Variants in LSM12 observed in about 807,000 individuals in gnomAD.
LSM12 encodes the protein protein LSM12.
For synonymous variants in LSM12, 74 were observed against 87.3 expected, an observed-to-expected ratio of 0.85 and a Z score of 0.85; for missense variants, 108 against 238.9, an observed-to-expected ratio of 0.45 and a Z score of 3.61.
chr17:44,048,871 T>C (rs753696902), intron 2 of LSM12, among the ~76,000 whole-genome samples: 1 of 152,088 alleles, frequency 6.6e-6, no homozygotes, highest in Non-Finnish European at 1.5e-5. Flanking sequence ...AGTATATGCA[T>C]TCGATATCAA....
intron 2 of LSM12, among the ~76,000 whole-genome samples, chr17:44,048,339 G>A (rs186661926): frequency 2.4e-4 from 37 of 151,696 alleles, no homozygotes; most frequent in Admixed American, 8.6e-4. Flanking sequence ...AAAATTAGCC[G>A]GGCACAGTAA....
rs1567955904 is a variant in LSM12, at chr17:44,041,331, AC to A, written c.259-1076del. Among the ~76,000 whole-genome samples the A allele has an allele frequency of 2.6e-3, 337 of 131,258 alleles. 1 individual carries two copies. Among genetic ancestry groups the A allele is most frequent in the Non-Finnish European group, 4.0e-3 (251 of 63,538 alleles). 86.1% of individuals were successfully genotyped at this position (131,258 alleles called of 152,430 possible). On this transcript the variant is annotated intron_variant, in intron 2 of 4. Transcript: ENST00000293406. ...CACACACACACACACACACACACACACAAACACACACACACACACAGAATTT... is the reference window on the plus strand; with the variant it reads ...CACACACACACACACACACACACACAAAACACACACACACACACAGAATTT...
chr17:44,046,709 CA>C (rs542504532), intron 2 of LSM12, among the ~76,000 whole-genome samples: 187 of 42,698 alleles, frequency 4.4e-3, no homozygotes, highest in African/African-American at 9.5e-3. Context: ...GACTCCGTCT[CA>C]AAAAAAAAAA....
At chr17:44,043,415 G>A (rs2049520728) in intron 2 of LSM12, among the ~76,000 whole-genome samples, 1 of 152,192 alleles carries the variant, frequency 6.6e-6, no homozygotes, top group Non-Finnish European at 1.5e-5. Flanking sequence ...AGCATTCCAA[G>A]CAGTGGCAAT....
chr17:44,065,216 C>T (rs199935390), intron 1 of LSM12, among the ~76,000 whole-genome samples: 1 of 151,954 alleles, frequency 6.6e-6, no homozygotes, highest in East Asian at 1.9e-4. Context: ...CAGCGGATCA[C>T]GAGGTCAGAA....
At chr17:44,045,861 C>A (rs2144082576) in intron 2 of LSM12, among the ~76,000 whole-genome samples, 1 of 152,214 alleles carries the variant, frequency 6.6e-6, no homozygotes, top group South Asian at 2.1e-4. Context: ...GCATGAGCCA[C>A]CCTACCCGGC....
chr17:44,041,282 A>ACACACACAC (rs779374869), intron 2 of LSM12, among the ~76,000 whole-genome samples: 1 of 130,330 alleles, frequency 7.7e-6, no homozygotes, highest in Non-Finnish European at 1.6e-5. Flanking sequence ...TTAAAAAAAA[A>ACACACACAC]AAAAACAAAC....
intron 2 of LSM12, among the ~76,000 whole-genome samples, chr17:44,045,623 T>C (rs951917263): frequency 2.0e-5 from 3 of 152,182 alleles, no homozygotes; most frequent in Non-Finnish European, 4.4e-5. Context: ...CAGGCTGGAA[T>C]GTAATGGCAC....
chr17:44,050,438 T>C (rs561739444), intron 2 of LSM12, among the ~76,000 whole-genome samples: 21 of 151,816 alleles, frequency 1.4e-4, no homozygotes, highest in Non-Finnish European at 2.7e-4. Context: ...TAGCAACAAA[T>C]AGGCTCTCAA....
At chr17:44,046,863 T>C (rs1320924912) in intron 2 of LSM12, among the ~76,000 whole-genome samples, 3 of 146,668 alleles carry the variant, frequency 2.0e-5, no homozygotes, top group African/African-American at 7.5e-5. Context: ...CCCGAGTAGC[T>C]GGGATTACAG....
chr17:44,049,181 T>A (rs531239354), intron 2 of LSM12, among the ~76,000 whole-genome samples: 15 of 152,240 alleles, frequency 9.9e-5, no homozygotes, highest in African/African-American at 3.4e-4. Flanking sequence ...ACAGAGACTC[T>A]GTCTTTAAAA....
chr17:44,038,223 A>T (rs2049440379), intron 3 of LSM12, among the ~76,000 whole-genome samples: 1 of 151,984 alleles, frequency 6.6e-6, no homozygotes, highest in African/African-American at 2.4e-5. Context: ...TAGTGGTGGC[A>T]TGCGTCTGTA....
At chr17:44,037,300 C>T (rs1237005131) in intron 4 of LSM12, 112 bp downstream of exon 4, 3 of 1,328,638 alleles carry the variant, frequency 2.3e-6, no homozygotes, top group Non-Finnish European at 3.0e-6. Flanking sequence ...GACAGGGCCT[C>T]TGCTGCTAGA....
chr17:44,037,918 ATC>A, intron 3 of LSM12, among the ~76,000 whole-genome samples: 1 of 152,340 alleles, frequency 6.6e-6, no homozygotes, highest in Middle Eastern at 3.4e-3. Context: ...AGTCCATATC[ATC>A]TGTTACAACT....
At chr17:44,051,480 G>T (rs377200157) in intron 2 of LSM12, among the ~76,000 whole-genome samples, 4 of 152,064 alleles carry the variant, frequency 2.6e-5, no homozygotes, top group Non-Finnish European at 4.4e-5. Flanking sequence ...TTGTGCCTGG[G>T]GGGAGGAGGT....
intron 3 of LSM12, among the ~76,000 whole-genome samples, chr17:44,038,364 A>AG (rs1431920996): frequency 1.3e-5 from 2 of 151,744 alleles, no homozygotes; most frequent in East Asian, 3.9e-4. Flanking sequence ...TCAAAAAAAA[A>AG]AAAAAAAAAG....
At chr17:44,043,567 A>G (rs1181289651) in intron 2 of LSM12, among the ~76,000 whole-genome samples, 4 of 108,480 alleles carry the variant, frequency 3.7e-5, no homozygotes, top group Non-Finnish European at 1.8e-5. Flanking sequence ...TTTTTTTTTG[A>G]GATGGAGTCT....
chr17:44,064,946 AC>A, intron 1 of LSM12, among the ~76,000 whole-genome samples: 8 of 151,996 alleles, frequency 5.3e-5, no homozygotes, highest in African/African-American at 1.7e-4. Context: ...ATCTTGGCTA[AC>A]ACGGTGAAAC....
chr17:44,062,139 A>T (rs754359511), intron 2 of LSM12, among the ~76,000 whole-genome samples: 9 of 148,612 alleles, frequency 6.1e-5, no homozygotes, highest in Non-Finnish European at 8.9e-5. Flanking sequence ...GGAGAATGGC[A>T]TGAACCCGGG....
Sources: gnomAD v4.1 joint callset for allele counts (sites outside exome capture counted in the v4.1 genomes callset) on GRCh38, gnomAD v4.1.1 for gene constraint, MANE v1.5 for transcripts, NCBI Gene and HGNC (gene_info 2026-07-23, HGNC 2026-07-21) for gene names.